The following CSPP1 variants were observed in gnomAD, a reference collection of about 807,000 sequenced individuals.
CSPP1 encodes centrosome and spindle pole-associated protein 1.
A neutral mutation model predicts 164.4 loss-of-function variants in CSPP1; 126 were observed. That is an observed-to-expected ratio of 0.77 (90% CI 0.66 to 0.89). CSPP1 has a LOEUF of 0.89. CSPP1 is among the 40% of genes least tolerant of loss of function. The pLI is 0.00. For synonymous variants in CSPP1, 472 were observed against 476.7 expected (o/e 0.99, Z 0.13); for missense variants, 1,395 against 1,449.8 (o/e 0.96, Z 0.61).
rs2290586 is a variant in CSPP1 at position 67,195,195 on chromosome 8, C to G, written c.3470-187C>G. 0.022 allele frequency among the ~76,000 whole-genome samples: 3,344 copies of G among 152,138 alleles called. 80 individuals carry two copies. The highest frequency in any genetic ancestry group is 0.047 in the South Asian group (225 of 4,824). ...TTTACAAAATTGGCCTTTGTGGGCC[C>G]ACTCTCCTCCCTCTAAAATAGGGTG... is the stretch of plus-strand genomic sequence containing the variant. On this transcript the variant is annotated intron_variant, in intron 30 of 30. Coordinates refer to ENST00000678616, the MANE Select transcript of CSPP1 (RefSeq NM_001382391.1).
chr8:67,082,313 G>T (rs185556504), intron 3 of CSPP1, among the ~76,000 whole-genome samples: 126 of 152,326 alleles, frequency 8.3e-4, no homozygotes, highest in Non-Finnish European at 1.2e-3. Flanking sequence ...GCCTCCCAAA[G>T]TGCTGGGATT....
At chr8:67,168,606 C>A (rs896977717) in intron 24 of CSPP1, among the ~76,000 whole-genome samples, 2 of 152,116 alleles carry the variant, frequency 1.3e-5, no homozygotes, top group African/African-American at 4.8e-5. Context: ...CATTTATCAT[C>A]ATTTAGCAAG....
intron 7 of CSPP1, among the ~76,000 whole-genome samples, chr8:67,101,557 A>G (rs1458085693): frequency 6.6e-6 from 1 of 152,122 alleles, no homozygotes; most frequent in African/African-American, 2.4e-5. Context: ...ATGACACTAA[A>G]CTGATGTGTC....
chr8:67,103,219 G>T, intron 8 of CSPP1, 84 bp downstream of exon 8: 1 of 732,440 alleles, frequency 1.4e-6, no homozygotes, highest in African/African-American at 1.8e-5. Flanking sequence ...TGAAAAAGTA[G>T]AAAGATACAG....
At chr8:67,165,532 G>A (rs1041618975) in intron 24 of CSPP1, among the ~76,000 whole-genome samples, 6 of 152,200 alleles carry the variant, frequency 3.9e-5, no homozygotes, top group South Asian at 2.1e-4. Context: ...CAGTCTCCTC[G>A]GGTCTGGGAC....
At chr8:67,151,555 C>T (rs958942917) in intron 18 of CSPP1, among the ~76,000 whole-genome samples, 3 of 152,030 alleles carry the variant, frequency 2.0e-5, no homozygotes, top group Non-Finnish European at 2.9e-5. Flanking sequence ...GCACACCAAG[C>T]AAAAACACCA....
At chr8:67,143,676 G>T (rs1323069447) in intron 17 of CSPP1, among the ~76,000 whole-genome samples, 1 of 151,952 alleles carries the variant, frequency 6.6e-6, no homozygotes, top group Non-Finnish European at 1.5e-5. Context: ...TATTTCATGT[G>T]GTTTGAAGCT....
chr8:67,175,072 T>C lies in CSPP1; in HGVS notation c.2969-224T>C, dbSNP rs141814253. The C allele has an allele frequency of 2.0e-4, 95 of 474,532 alleles. No individual in the cohort carries two copies. The East Asian group carries it at 3.8e-3, about 19-fold the overall frequency. The allele number at this position is 474,532 out of a possible 1,614,324, so 29.4% of individuals were successfully genotyped here. ...TCCACTGCTTGTTCTGGGGTATTCC[T>C]TATGTTGGTAAGTTTGTGAAAAGAC... On this transcript the variant is annotated intron_variant, in intron 25 of 30. Transcript: ENST00000678616.
At chr8:67,142,424 T>C (rs1823692484) in intron 17 of CSPP1, among the ~76,000 whole-genome samples, 1 of 152,204 alleles carries the variant, frequency 6.6e-6, no homozygotes, top group Non-Finnish European at 1.5e-5. Context: ...CATGAAAATA[T>C]TGCCTTTTTT....
At chr8:67,119,301 T>C (rs1240672059) in intron 15 of CSPP1, among the ~76,000 whole-genome samples, 1 of 152,240 alleles carries the variant, frequency 6.6e-6, no homozygotes, top group Non-Finnish European at 1.5e-5. Context: ...GTGGACACTT[T>C]GGATTGCTTC....
At chr8:67,128,920 G>A (rs931538374) in intron 15 of CSPP1, among the ~76,000 whole-genome samples, 20 of 152,082 alleles carry the variant, frequency 1.3e-4, no homozygotes, top group African/African-American at 2.4e-4. Context: ...TTCCTTGTCC[G>A]TTAATTGGGG....
intron 28 of CSPP1, among the ~76,000 whole-genome samples, chr8:67,188,831 G>A (rs1282693645): frequency 1.3e-5 from 2 of 152,144 alleles, no homozygotes; most frequent in African/African-American, 2.4e-5. Flanking sequence ...TGTCCTAATC[G>A]AGCTGAACAC....
chr8:67,177,068 C>T (rs1024447196), intron 26 of CSPP1, among the ~76,000 whole-genome samples: 1 of 98,874 alleles, frequency 1.0e-5, no homozygotes, highest in African/African-American at 4.1e-5. Context: ...GAGACTTAGT[C>T]TCAAAAAAAA....
At chr8:67,157,028 T>C (rs184962085) in intron 19 of CSPP1, among the ~76,000 whole-genome samples, 1 of 152,298 alleles carries the variant, frequency 6.6e-6, no homozygotes, top group African/African-American at 2.4e-5. Context: ...ATTGGTATTC[T>C]TTGATTTTGA....
intron 3 of CSPP1, among the ~76,000 whole-genome samples, chr8:67,082,275 C>T (rs1809372489): frequency 6.6e-6 from 1 of 152,188 alleles, no homozygotes; most frequent in Non-Finnish European, 1.5e-5. Context: ...GTCTCGAGCT[C>T]CTTACCTCAA....
chr8:67,182,169 AT>A (rs1248888836), intron 28 of CSPP1, among the ~76,000 whole-genome samples: 1 of 151,890 alleles, frequency 6.6e-6, no homozygotes, highest in Non-Finnish European at 1.5e-5. Flanking sequence ...TGCCTGAATA[AT>A]TTTTGTATTT....
At chr8:67,170,756 G>A (rs1299134456) in intron 24 of CSPP1, among the ~76,000 whole-genome samples, 2 of 152,116 alleles carry the variant, frequency 1.3e-5, no homozygotes, top group Non-Finnish European at 1.5e-5. Context: ...TAAGGTAAAG[G>A]ATGGAACTAA....
chr8:67,115,093 A>G (rs1454957476), intron 12 of CSPP1: 1 of 152,250 alleles, frequency 6.6e-6, no homozygotes, highest in Non-Finnish European at 1.5e-5. Context: ...CTTTAGCACC[A>G]TAGCTGAGTC....
chr8:67,101,446 A>G (rs549025367), intron 7 of CSPP1, among the ~76,000 whole-genome samples: 9 of 152,298 alleles, frequency 5.9e-5, no homozygotes, highest in Middle Eastern at 3.4e-3. Context: ...TGCATTATAT[A>G]TAAATATCCA....
Sources: allele counts gnomAD v4.1 joint callset (sites outside exome capture counted in the v4.1 genomes callset), GRCh38; gene constraint gnomAD v4.1.1; transcripts MANE v1.5; gene names NCBI Gene and HGNC (gene_info 2026-07-23, HGNC 2026-07-21).